The following OMD variants were observed in gnomAD, a reference collection of about 807,000 sequenced individuals.
OMD encodes the protein osteomodulin.
Under a neutral mutation model 31.2 loss-of-function variants are expected in OMD, and 19 were observed. The observed-to-expected ratio is 0.61, with a 90% CI of 0.42 to 0.89. The LOEUF (loss-of-function observed/expected upper bound fraction) is 0.89. Ranked by LOEUF, OMD falls within the 40% of genes least tolerant of loss-of-function variation. OMD has a pLI of 0.00. For missense variants in OMD, 448 were observed against 490.8 expected (o/e 0.91, Z 0.82); for synonymous variants, 155 against 166.4 (o/e 0.93, Z 0.53).
chr9:92,422,218 A>AT (rs1843826901), intron 1 of OMD, among the ~76,000 whole-genome samples: 1 of 151,876 alleles, frequency 6.6e-6, no homozygotes, highest in Non-Finnish European at 1.5e-5. Flanking sequence ...GACTGGCTAC[A>AT]TTTTTTTGTA....
At chr9:92,417,939 G>A (rs1843668546) in intron 1 of OMD, among the ~76,000 whole-genome samples, 1 of 152,030 alleles carries the variant, frequency 6.6e-6, no homozygotes, top group Non-Finnish European at 1.5e-5. Flanking sequence ...TGTTGCCCAA[G>A]CTGGTCTCAA....
Position 92,414,970 on chromosome 9 carries a change from T to C in OMD, c.*182A>G, listed in dbSNP as rs1258702245. On this transcript the variant is annotated 3_prime_UTR_variant, in exon 3 of 3. Transcript: ENST00000375550. The stretch of plus-strand genomic sequence containing the variant: ...TTTATATTTTTAAAGATTTACATTA[T>C]TTTGAGTAAGTTCTAATCCTATGAA... 4.9e-6 allele frequency: 2 copies of C among 409,898 alleles called. No individual in the cohort carries two copies. Among genetic ancestry groups the C allele is most frequent in the Non-Finnish European group, 8.5e-6 (2 of 234,392 alleles). The allele number at this position is 409,898 out of a possible 1,614,324, so 25.4% of individuals were successfully genotyped here.
intron 1 of OMD, among the ~76,000 whole-genome samples, chr9:92,423,159 A>G (rs753925801): frequency 1.3e-5 from 2 of 152,084 alleles, no homozygotes; most frequent in African/African-American, 2.4e-5. Context: ...TCCTTTTTCT[A>G]TTGAATATTT....
In OMD at chr9:92,415,334, A is replaced by G. The variant is rs1477102258; in HGVS notation, c.1084T>C (p.Tyr362His). The stretch of plus-strand genomic sequence containing the variant: ...CCATTAGTGCTTCGTTGTTCACCAT[A>G]ATAAATAGTGTGTATATGAGGGAAG... ...FCFPHIHTIYYGEQRSTNGQT... is the reference protein window; with the variant it reads ...FCFPHIHTIYHGEQRSTNGQT... Residue 362 changes from tyrosine to histidine, a missense_variant, in exon 3 of 3, where the codon TAT becomes CAT. Coordinates refer to ENST00000375550, the MANE Select transcript of OMD (RefSeq NM_005014.3). 6.2e-7 allele frequency: 1 copy of G among 1,613,572 alleles called. No individual in the cohort carries two copies. The highest frequency in any genetic ancestry group is 1.3e-5 in the African/African-American group (1 of 74,914).
rs1349146039 is a variant in OMD at position 92,413,525 on chromosome 9, G to A, written c.*1627C>T. ...CTAGGTTAGGAATTGTCTTATCTTT[G>A]TTTTCTAAAACACCTATAGTATTTT... On this transcript the variant is annotated 3_prime_UTR_variant, in exon 3 of 3. Transcript: ENST00000375550. Among the ~76,000 whole-genome samples the A allele has an allele frequency of 6.6e-6, 1 of 151,896 alleles. No homozygotes were observed. Among genetic ancestry groups the A allele is most frequent in the African/African-American group, 2.4e-5 (1 of 41,350 alleles).
At position 92,413,249 on chromosome 9, in the gene OMD, AGT is replaced by A. The variant is rs1417103783; in HGVS notation, c.*1901_*1902del. ...TGATCCACCTAACTCGGCCTTCCAA[AGT>A]GCTGGGATTACAGGTGTGAGCTAAT... On this transcript the variant is annotated 3_prime_UTR_variant, in exon 3 of 3. Coordinates refer to ENST00000375550, the MANE Select transcript of OMD (RefSeq NM_005014.3). 3.9e-4 allele frequency among the ~76,000 whole-genome samples: 60 copies of A among 152,014 alleles called. No individual in the cohort carries two copies. The highest frequency in any genetic ancestry group is 3.9e-3 in the Admixed American group (59 of 15,256).
In OMD at chr9:92,413,541, A is replaced by G. The variant is rs1230582996; in HGVS notation, c.*1611T>C. On this transcript the variant is annotated 3_prime_UTR_variant, in exon 3 of 3. Transcript: ENST00000375550. ...CTTATCTTTGTTTTCTAAAACACCT[A>G]TAGTATTTTCCACGTATTAACTCTT... is the stretch of plus-strand genomic sequence containing the variant. Among the ~76,000 whole-genome samples the G allele has an allele frequency of 6.6e-6, 1 of 152,146 alleles. No homozygotes were observed. The highest frequency in any genetic ancestry group is 2.4e-5 in the African/African-American group (1 of 41,426).
chr9:92,417,565 T>C lies in OMD; in HGVS notation c.-7A>G, dbSNP rs550647246. On this transcript the variant is annotated 5_prime_UTR_variant, in exon 2 of 3. Transcript: ENST00000375550. ...TTGGACTTAAAAAACCCATCTTCTT[T>C]TTTTTTTTCCTATTGCAAGGAGAAA... 4.5e-5 allele frequency: 69 copies of C among 1,532,286 alleles called. 3 individuals are homozygous for C. The South Asian group carries it at 8.6e-4, about 19-fold the overall frequency. The allele number at this position is 1,532,286 out of a possible 1,614,324, so 94.9% of individuals were successfully genotyped here.
chr9:92,424,384 G>C lies in OMD; in HGVS notation c.-199C>G, dbSNP rs1017329434. 1 of 152,046 alleles carries C rather than the reference G, an allele frequency of 6.6e-6. No individual in the cohort carries two copies. The highest frequency in any genetic ancestry group is 1.5e-5 in the Non-Finnish European group (1 of 68,018). 9.4% of individuals were successfully genotyped at this position (152,046 alleles called of 1,614,324 possible). ...ATACAATCTTCTTGGAAAACACTCG[G>C]GTTGAATTAAAATTATGTATTTCTT... On this transcript the variant is annotated 5_prime_UTR_variant, in exon 1 of 3. Coordinates refer to ENST00000375550, the MANE Select transcript of OMD (RefSeq NM_005014.3).
In OMD at chr9:92,412,824, T is replaced by A. The variant is rs912041583; in HGVS notation, c.*2328A>T. 1.3e-5 allele frequency among the ~76,000 whole-genome samples: 2 copies of A among 152,192 alleles called. No individual in the cohort carries two copies. Among genetic ancestry groups the A allele is most frequent in the African/African-American group, 4.8e-5 (2 of 41,442 alleles). On this transcript the variant is annotated 3_prime_UTR_variant, in exon 3 of 3. Coordinates refer to ENST00000375550, the MANE Select transcript of OMD (RefSeq NM_005014.3). ...TTCCATGAAATGGATATACCACATT[T>A]TGTTTATCCATTGATGGACATGTGG...
At position 92,422,262 on chromosome 9, in the gene OMD, C is replaced by T. The variant is rs112205888; in HGVS notation, c.-17+1940G>A. ...TAAGACGGGATTTTGCCATGTTGGC[C>T]AGCCTGGTCTCGAACTCCTGACCTC... is the stretch of plus-strand genomic sequence containing the variant. On this transcript the variant is annotated intron_variant, in intron 1 of 2. Coordinates refer to ENST00000375550, the MANE Select transcript of OMD (RefSeq NM_005014.3). Among the ~76,000 whole-genome samples the T allele has an allele frequency of 1.1e-4, 16 of 152,226 alleles. 1 individual carries two copies. Among genetic ancestry groups the T allele is most frequent in the African/African-American group, 3.9e-4 (16 of 41,540 alleles).
intron 1 of OMD, among the ~76,000 whole-genome samples, chr9:92,422,280 C>G (rs1177657492): frequency 3.3e-5 from 5 of 152,132 alleles, no homozygotes; most frequent in African/African-American, 1.2e-4. Context: ...TCTCGAACTC[C>G]TGACCTCAGG....
intron 1 of OMD, among the ~76,000 whole-genome samples, chr9:92,423,950 T>TA (rs149933711): frequency 0.031 from 4,698 of 151,398 alleles, 254 homozygotes; most frequent in African/African-American, 0.11. Context: ...TCATTCAAAG[T>TA]AAAAAAAAAT....
Position 92,416,978 on chromosome 9 carries a change from C to G in OMD, c.581G>C (p.Cys194Ser), listed in dbSNP as rs750007022. ...CAGAGAATCATGAAGATAATTATAACAGAGATCAAGCATGGTCAAGTTTAC... is the reference window on the plus strand; with the variant it reads ...CAGAGAATCATGAAGATAATTATAAGAGAGATCAAGCATGGTCAAGTTTAC... ...GLVNLTMLDLCYNYLHDSLLK... is the reference protein window; with the variant it reads ...GLVNLTMLDLSYNYLHDSLLK... Residue 194 changes from cysteine (C) to serine (S), a missense_variant, in exon 2 of 3, where the codon TGT (cysteine) becomes TCT (serine). Cys to Ser is a moderately radical substitution (Grantham distance 112). Coordinates refer to ENST00000375550, the MANE Select transcript of OMD (RefSeq NM_005014.3). 6.2e-7 allele frequency: 1 copy of G among 1,613,942 alleles called. No homozygotes were observed. The highest frequency in any genetic ancestry group is 8.5e-7 in the Non-Finnish European group (1 of 1,179,944).
At chr9:92,421,120 C>T (rs1843778846) in intron 1 of OMD, among the ~76,000 whole-genome samples, 1 of 152,138 alleles carries the variant, frequency 6.6e-6, no homozygotes, top group Non-Finnish European at 1.5e-5. Context: ...TCTTGGCTCA[C>T]CCTCCATCTC....
intron 1 of OMD, among the ~76,000 whole-genome samples, chr9:92,419,881 G>T (rs1315011640): frequency 6.6e-6 from 1 of 151,968 alleles, no homozygotes; most frequent in Non-Finnish European, 1.5e-5. Flanking sequence ...TTTCATCATT[G>T]GTATAATTGA....
chr9:92,415,248 A>G lies in OMD; in HGVS notation c.1170T>C (p.Ser390=), dbSNP rs150051960. 1.2e-5 allele frequency: 20 copies of G among 1,613,614 alleles called. No homozygotes were observed. Among genetic ancestry groups the G allele is most frequent in the Non-Finnish European group, 1.6e-5 (19 of 1,179,782 alleles). Residue 390 remains serine (S), a synonymous_variant, in exon 3 of 3, where the codon AGT becomes AGC. Coordinates refer to ENST00000375550, the MANE Select transcript of OMD (RefSeq NM_005014.3). ...CATTGTCAGGATCATCGTGATCTTC[A>G]CTTTCATCATCATCATCTGGAAATC... ...FRRFPDDDDE[S]EDHDDPDNAH...
At position 92,417,519 on chromosome 9, in the gene OMD, A is replaced by T; in HGVS notation, c.40T>A (p.Phe14Ile). ...TATTGGCAATGTACTTTGACTCCAA[A>T]AAAGAAGAAAATAACATATATTGGA... ...LSPIYVIFFF[F>I]GVKVHCQYET... is the part of the protein sequence containing the mutation. The change falls in exon 2 of 3, where the codon TTT (phenylalanine) becomes ATT (isoleucine). Residue 14 changes from phenylalanine to isoleucine, a missense_variant. Transcript: ENST00000375550. 2 of 1,607,370 alleles carry T rather than the reference A, an allele frequency of 1.2e-6. No individual in the cohort carries two copies. The highest frequency in any genetic ancestry group is 1.7e-6 in the Non-Finnish European group (2 of 1,178,158).
rs1232203986 is a variant in OMD at position 92,417,537 on chromosome 9, A to T, written c.22T>A (p.Tyr8Asn). The change falls in exon 2 of 3, where the codon TAT becomes AAT. Residue 8 changes from tyrosine (Y) to asparagine (N), a missense_variant. Coordinates refer to ENST00000375550, the MANE Select transcript of OMD (RefSeq NM_005014.3). ...ACTCCAAAAAAGAAGAAAATAACATATATTGGACTTAAAAAACCCATCTTC... is the reference window on the plus strand; with the variant it reads ...ACTCCAAAAAAGAAGAAAATAACATTTATTGGACTTAAAAAACCCATCTTC... Reference protein sequence around the residue: MGFLSPIYVIFFFFGVKV... With the variant: MGFLSPINVIFFFFGVKV... The T allele has an allele frequency of 1.3e-6, 2 of 1,576,422 alleles. No individual in the cohort carries two copies. The highest frequency in any genetic ancestry group is 2.8e-5 in the African/African-American group (2 of 72,600).
Sources: allele counts gnomAD v4.1 joint callset (sites outside exome capture counted in the v4.1 genomes callset), GRCh38; gene constraint gnomAD v4.1.1; transcripts MANE v1.5; gene names NCBI Gene and HGNC (gene_info 2026-07-23, HGNC 2026-07-21).